Variants in CRPPA observed in about 807,000 individuals in gnomAD.
The protein encoded by CRPPA is D-ribitol-5-phosphate cytidylyltransferase.
Under a neutral mutation model 52.0 loss-of-function variants are expected in CRPPA, and 43 were observed. The observed-to-expected ratio is 0.83, with a 90% CI of 0.65 to 1.07. The LOEUF (loss-of-function observed/expected upper bound fraction) is 1.07. Among genes scored for constraint, CRPPA ranks in the 50% least tolerant of loss-of-function variants. CRPPA has a pLI of 0.00. For missense variants in CRPPA, 629 were observed against 551.7 expected (o/e 1.14, Z -1.40); for synonymous variants, 250 against 203.5 (o/e 1.23, Z -1.94).
intron 2 of CRPPA, among the ~76,000 whole-genome samples, chr7:16,377,527 G>A (rs1786926726): frequency 6.6e-6 from 1 of 152,236 alleles, no homozygotes; most frequent in African/African-American, 2.4e-5. Context: ...GAGCTCTGCA[G>A]ACTCCGTCCT....
At chr7:16,285,246 T>A (rs997955309) in intron 5 of CRPPA, among the ~76,000 whole-genome samples, 1 of 152,150 alleles carries the variant, frequency 6.6e-6, no homozygotes, top group Non-Finnish European at 1.5e-5. Context: ...CCCAGAATTG[T>A]ACAAATATAA....
At chr7:16,340,183 C>G (rs754282925) in intron 3 of CRPPA, among the ~76,000 whole-genome samples, 1 of 151,888 alleles carries the variant, frequency 6.6e-6, no homozygotes, top group Non-Finnish European at 1.5e-5. Flanking sequence ...ACCAAGATGA[C>G]CTTAGGTATG....
intron 1 of CRPPA, among the ~76,000 whole-genome samples, chr7:16,418,497 T>C (rs1048197321): frequency 7.2e-5 from 11 of 152,206 alleles, no homozygotes; most frequent in African/African-American, 2.7e-4. Flanking sequence ...AGAGGTTTAA[T>C]TGACTCACAG....
intron 8 of CRPPA, among the ~76,000 whole-genome samples, chr7:16,217,982 A>G (rs1402359472): frequency 6.6e-6 from 1 of 150,630 alleles, no homozygotes; most frequent in Non-Finnish European, 1.5e-5. Context: ...TCCAAGACAC[A>G]TAATTGTCAG....
intron 8 of CRPPA, among the ~76,000 whole-genome samples, chr7:16,251,598 G>C (rs1233416148): frequency 6.6e-6 from 1 of 152,158 alleles, no homozygotes; most frequent in South Asian, 2.1e-4. Context: ...CAACTACATG[G>C]AAACTGAACA....
At chr7:16,333,423 C>G (rs1000559652) in intron 3 of CRPPA, among the ~76,000 whole-genome samples, 1 of 152,106 alleles carries the variant, frequency 6.6e-6, no homozygotes, top group African/African-American at 2.4e-5. Flanking sequence ...AGAAAGATAG[C>G]TTAACATTCC....
chr7:16,141,213 T>C (rs922892694), intron 9 of CRPPA, among the ~76,000 whole-genome samples: 1 of 152,164 alleles, frequency 6.6e-6, no homozygotes, highest in African/African-American at 2.4e-5. Context: ...ACTGCAATTG[T>C]ATTTGAGCAC....
chr7:16,110,056 C>T (rs1381148569), intron 9 of CRPPA, among the ~76,000 whole-genome samples: 2 of 151,712 alleles, frequency 1.3e-5, no homozygotes, highest in African/African-American at 4.8e-5. Context: ...AAGCTGTTAA[C>T]AGTTGAAAAA....
chr7:16,397,939 C>A (rs1002396105), intron 2 of CRPPA, among the ~76,000 whole-genome samples: 1 of 152,212 alleles, frequency 6.6e-6, no homozygotes, highest in Non-Finnish European at 1.5e-5. Context: ...GTGATTGACA[C>A]GTGATTGACA....
At chr7:16,215,503 A>G (rs1174493057) in intron 9 of CRPPA, among the ~76,000 whole-genome samples, 1 of 152,254 alleles carries the variant, frequency 6.6e-6, no homozygotes, top group Non-Finnish European at 1.5e-5. Flanking sequence ...GACAGTGACA[A>G]TGAATGCATT....
intron 8 of CRPPA, among the ~76,000 whole-genome samples, chr7:16,250,006 A>C (rs1450950629): frequency 1.3e-5 from 2 of 152,210 alleles, no homozygotes; most frequent in African/African-American, 4.8e-5. Context: ...CAAATAGCTA[A>C]CTAGAATAAC....
At chr7:16,123,528 A>C (rs1782517404) in intron 9 of CRPPA, among the ~76,000 whole-genome samples, 1 of 152,202 alleles carries the variant, frequency 6.6e-6, no homozygotes, top group African/African-American at 2.4e-5. Context: ...GATAGCTTTC[A>C]AAAAATAACT....
At chr7:16,196,665 C>A (rs1027594482) in intron 9 of CRPPA, among the ~76,000 whole-genome samples, 2 of 152,090 alleles carry the variant, frequency 1.3e-5, no homozygotes, top group African/African-American at 4.8e-5. Flanking sequence ...GAAAGACACT[C>A]AGGTTTGAAA....
At chr7:16,398,311 C>T (rs890591185) in intron 2 of CRPPA, among the ~76,000 whole-genome samples, 11 of 151,536 alleles carry the variant, frequency 7.3e-5, no homozygotes, top group African/African-American at 2.2e-4. Context: ...AGGTAATTCA[C>T]GTGATAAACA....
intron 2 of CRPPA, among the ~76,000 whole-genome samples, chr7:16,397,858 G>T (rs1787651562): frequency 6.6e-6 from 1 of 152,206 alleles, no homozygotes; most frequent in South Asian, 2.1e-4. Context: ...ATCATCACGT[G>T]ATCAACACGT....
intron 3 of CRPPA, among the ~76,000 whole-genome samples, chr7:16,360,985 C>T (rs770815654): frequency 1.3e-5 from 2 of 151,946 alleles, no homozygotes; most frequent in African/African-American, 2.4e-5. Flanking sequence ...GGTTTAAGAC[C>T]TAGAATACAT....
chr7:16,362,318 T>G (rs1786475540), intron 3 of CRPPA, among the ~76,000 whole-genome samples: 1 of 152,188 alleles, frequency 6.6e-6, no homozygotes, highest in Admixed American at 6.5e-5. Context: ...GAAAGCATCT[T>G]CTCATGGTGT....
chr7:16,201,639 G>C (rs1249184733), intron 9 of CRPPA, among the ~76,000 whole-genome samples: 1 of 152,094 alleles, frequency 6.6e-6, no homozygotes, highest in African/African-American at 2.4e-5. Flanking sequence ...AAAAGAACCT[G>C]GAACTTGCCG....
intron 9 of CRPPA, among the ~76,000 whole-genome samples, chr7:16,151,688 C>G (rs924329648): frequency 6.6e-6 from 1 of 152,012 alleles, no homozygotes; most frequent in Non-Finnish European, 1.5e-5. Flanking sequence ...CATTCATGTA[C>G]ATACTTTACA....
Sources: allele counts gnomAD v4.1 joint callset (sites outside exome capture counted in the v4.1 genomes callset), GRCh38; gene constraint gnomAD v4.1.1; transcripts MANE v1.5; gene names NCBI Gene and HGNC (gene_info 2026-07-23, HGNC 2026-07-21).